The following APBB2 variants were observed in gnomAD, a reference collection of about 807,000 sequenced individuals.
APBB2 encodes the protein Fe65-like 1.
APBB2 carries 38 observed loss-of-function variants against 82.5 expected under a neutral mutation model. That is an observed-to-expected ratio of 0.46 (90% CI 0.36 to 0.60). The LOEUF (loss-of-function observed/expected upper bound fraction) is 0.60, where lower values mean the gene tolerates loss of function less well. APBB2 is among the 20% of genes least tolerant of loss of function. The pLI, the probability that APBB2 is intolerant of heterozygous loss-of-function variation, is 0.00. For missense variants in APBB2, 772 were observed against 972.3 expected, an observed-to-expected ratio of 0.79 and a Z score of 2.74; for synonymous variants, 341 against 368.2, an observed-to-expected ratio of 0.93 and a Z score of 0.85.
chr4:40,897,710 C>G (rs1233829511), intron 10 of APBB2, among the ~76,000 whole-genome samples: 1 of 152,178 alleles, frequency 6.6e-6, no homozygotes, highest in Non-Finnish European at 1.5e-5. Flanking sequence ...TAGGCAGCTC[C>G]GCCCGAGGGG....
chr4:41,074,608 ATTTTTTT>A (rs370714146), intron 3 of APBB2, among the ~76,000 whole-genome samples: 17 of 136,666 alleles, frequency 1.2e-4, no homozygotes, highest in Admixed American at 1.1e-3. Context: ...TATTATTATT[ATTTTTTT>A]TTTTTTTTTT....
intron 10 of APBB2, among the ~76,000 whole-genome samples, chr4:40,908,508 C>T (rs1029461238): frequency 6.6e-6 from 1 of 152,140 alleles, no homozygotes; most frequent in South Asian, 2.1e-4. Flanking sequence ...ATCCCCAGGC[C>T]ACACCTATAA....
chr4:40,980,243 C>T lies in APBB2; in HGVS notation c.835+33340G>A, dbSNP rs548773237. On this transcript the variant is annotated intron_variant, in intron 6 of 17. Coordinates refer to ENST00000508593, the MANE Select transcript of APBB2 (RefSeq NM_004307.2). ...TTCACTATGTTGCCCAGACTGGTCT[C>T]GAACTCCTGAGCTCAGGCAATCCAC... 3.3e-5 allele frequency among the ~76,000 whole-genome samples: 5 copies of T among 152,290 alleles called. No homozygotes were observed. The East Asian group carries it at 9.7e-4, about 29-fold the overall frequency.
intron 17 of APBB2, among the ~76,000 whole-genome samples, chr4:40,819,176 C>T (rs919809944): frequency 2.2e-5 from 3 of 135,224 alleles, no homozygotes; most frequent in South Asian, 2.4e-4. Context: ...CCTTGGCTCT[C>T]TTTTTTTTTT....
intron 4 of APBB2, among the ~76,000 whole-genome samples, chr4:41,042,991 T>A (rs1722094464): frequency 6.6e-6 from 1 of 152,212 alleles, no homozygotes; most frequent in Non-Finnish European, 1.5e-5. Context: ...AAAGGTATAA[T>A]GCTATGTGAG....
At chr4:40,983,497 G>A (rs182453766) in intron 6 of APBB2, among the ~76,000 whole-genome samples, 205 of 152,236 alleles carry the variant, frequency 1.3e-3, no homozygotes, top group Non-Finnish European at 2.0e-3. Context: ...ATTTCTCTCA[G>A]TAGTGGACAA....
chr4:41,204,683 G>A (rs954746590), intron 1 of APBB2, among the ~76,000 whole-genome samples: 1 of 152,214 alleles, frequency 6.6e-6, no homozygotes, highest in Non-Finnish European at 1.5e-5. Context: ...GGTAGAGGCA[G>A]TGGCCATCCT....
Position 40,982,330 on chromosome 4 carries a change from AGAAGGAAGGAAGGAAGGAAGGAAG to A in APBB2, c.835+31229_835+31252del, listed in dbSNP as rs202091127. Among the ~76,000 whole-genome samples, 15 of 23,626 alleles carry A rather than the reference AGAAGGAAGGAAGGAAGGAAGGAAG, an allele frequency of 6.3e-4. 1 individual carries two copies. Among genetic ancestry groups the A allele is most frequent in the East Asian group, 1.8e-3 (2 of 1,130 alleles). The allele number at this position is 23,626 out of a possible 152,430, so 15.5% of individuals were successfully genotyped here. A position where few individuals can be genotyped will look rare whatever the true frequency, so the allele number is the denominator to read the frequency against. On this transcript the variant is annotated intron_variant, in intron 6 of 17. Transcript: ENST00000508593. Reference sequence around the variant, plus strand: ...GGAAAGAAAGAAAGAAAGAAAAGAAAGAAGGAAGGAAGGAAGGAAGGAAGGAAGGAAGGAAGGAAGGAAGGAAGG... The same window carrying A: ...GGAAAGAAAGAAAGAAAGAAAAGAAAGAAGGAAGGAAGGAAGGAAGGAAGG...
intron 6 of APBB2, among the ~76,000 whole-genome samples, chr4:40,948,998 G>T (rs1395595347): frequency 6.6e-6 from 1 of 151,870 alleles, no homozygotes; most frequent in Non-Finnish European, 1.5e-5. Flanking sequence ...GGGGAAGAAG[G>T]CCAGGCACGG....
intron 12 of APBB2, among the ~76,000 whole-genome samples, chr4:40,838,376 C>T (rs1234938743): frequency 7.0e-6 from 1 of 142,476 alleles, no homozygotes; most frequent in African/African-American, 2.7e-5. Flanking sequence ...CGCTCTGTCG[C>T]CCTGGCTGGA....
In APBB2 at chr4:40,811,437, C is replaced by G. The variant is rs1744385507; in HGVS notation, c.*4655G>C. 6.6e-6 allele frequency: 1 copy of G among 151,722 alleles called. No individual in the cohort carries two copies. Among genetic ancestry groups the G allele is most frequent in the Admixed American group, 6.6e-5 (1 of 15,206 alleles). The allele number at this position is 151,722 out of a possible 1,614,324, so 9.4% of individuals were successfully genotyped here. Reference sequence around the variant, plus strand: ...GGCGTGGCGGTGCATGCCTGTAATCCCAGCTACTCAGGAGGCTGAGGCGAG... The same window carrying G: ...GGCGTGGCGGTGCATGCCTGTAATCGCAGCTACTCAGGAGGCTGAGGCGAG... On this transcript the variant is annotated 3_prime_UTR_variant, in exon 18 of 18. Transcript: ENST00000508593.
chr4:41,197,497 C>T, intron 1 of APBB2, among the ~76,000 whole-genome samples: 29,615 of 152,014 alleles, frequency 0.19, 3,849 homozygotes, highest in African/African-American at 0.37. Context: ...GATGAAAATA[C>T]AGAGGTACAG....
chr4:40,963,815 C>T (rs1793916997), intron 6 of APBB2, among the ~76,000 whole-genome samples: 1 of 152,214 alleles, frequency 6.6e-6, no homozygotes, highest in Non-Finnish European at 1.5e-5. Flanking sequence ...TGCTTTCTTC[C>T]TCATAGAAGA....
chr4:40,972,137 G>A (rs1445807514), intron 6 of APBB2, among the ~76,000 whole-genome samples: 1 of 152,086 alleles, frequency 6.6e-6, no homozygotes, highest in East Asian at 1.9e-4. Context: ...CTTTAAAATA[G>A]CAAAATCCTG....
intron 12 of APBB2, 190 bp downstream of exon 12, chr4:40,890,174 A>G (rs1771552370): frequency 4.3e-6 from 3 of 692,054 alleles, no homozygotes; most frequent in Non-Finnish European, 6.7e-6. Flanking sequence ...GAGATACAGA[A>G]ACCAGGAAGG....
chr4:40,823,553 C>G lies in APBB2; in HGVS notation c.1932+91G>C. ...TAATCACAAGGATGCACAACTCCGG[C>G]CTTGACTATGTTCCTAAGTTCCACA... On this transcript the variant is annotated intron_variant, in intron 16 of 17. Coordinates refer to ENST00000508593, the MANE Select transcript of APBB2 (RefSeq NM_004307.2). 7.7e-6 allele frequency: 7 copies of G among 905,494 alleles called. No homozygotes were observed. The South Asian group carries it at 9.9e-5, about 13-fold the overall frequency. 56.1% of individuals were successfully genotyped at this position (905,494 alleles called of 1,614,324 possible). A position where few individuals can be genotyped will look rare whatever the true frequency, so the allele number is the denominator to read the frequency against.
At chr4:41,178,317 G>C (rs1238980913) in intron 1 of APBB2, among the ~76,000 whole-genome samples, 1 of 152,068 alleles carries the variant, frequency 6.6e-6, no homozygotes, top group Non-Finnish European at 1.5e-5. Context: ...AAGCAATGTT[G>C]TGTTTAAGTC....
At chr4:40,940,449 C>A (rs1786578538) in intron 7 of APBB2, among the ~76,000 whole-genome samples, 1 of 152,192 alleles carries the variant, frequency 6.6e-6, no homozygotes. Context: ...CCTGCACATT[C>A]AACAGGCCCT....
At chr4:41,208,489 C>T (rs1028960624) in intron 1 of APBB2, among the ~76,000 whole-genome samples, 26 of 152,064 alleles carry the variant, frequency 1.7e-4, no homozygotes, top group Admixed American at 1.2e-3. Flanking sequence ...CTCAAACTCC[C>T]GACCTCAAGT....
Sources: gnomAD v4.1 joint callset for allele counts (sites outside exome capture counted in the v4.1 genomes callset) on GRCh38, gnomAD v4.1.1 for gene constraint, MANE v1.5 for transcripts, NCBI Gene and HGNC (gene_info 2026-07-23, HGNC 2026-07-21) for gene names.